The following LNP1 variants were observed in gnomAD, a reference collection of about 807,000 sequenced individuals.
LNP1 encodes the protein leukemia NUP98 fusion partner 1.
In LNP1, 12 loss-of-function variants were observed where a neutral mutation model predicts 14.5. The observed-to-expected ratio is 0.83, with a 90% confidence interval of 0.53 to 1.34. The LOEUF is 1.34. Ranked by LOEUF, LNP1 falls within the 40% of genes most tolerant of loss-of-function variation. The probability of loss-of-function intolerance (pLI) is 0.00; values close to 1 mark genes in which losing one functional copy is unlikely to be tolerated. For synonymous variants in LNP1, 75 were observed against 71.4 expected (o/e 1.05, Z -0.26); for missense variants, 198 against 210.9 (o/e 0.94, Z 0.38).
chr3:100,436,229 C>T (rs1707292972), intron 2 of LNP1, among the ~76,000 whole-genome samples: 1 of 152,094 alleles, frequency 6.6e-6, no homozygotes, highest in Non-Finnish European at 1.5e-5. Context: ...TATCTTATTG[C>T]CACAAAGGCT....
At chr3:100,408,840 G>A (rs1485898091) in intron 1 of LNP1, among the ~76,000 whole-genome samples, 1 of 152,180 alleles carries the variant, frequency 6.6e-6, no homozygotes, top group Non-Finnish European at 1.5e-5. Flanking sequence ...CATGGGTAAT[G>A]TAAAACTGTT....
chr3:100,440,694 A>C (rs1460026472), intron 2 of LNP1, among the ~76,000 whole-genome samples: 2 of 152,198 alleles, frequency 1.3e-5, no homozygotes, highest in African/African-American at 4.8e-5. Flanking sequence ...TGCTGTGAAC[A>C]AGGCAAGGTG....
chr3:100,417,472 G>A (rs1234967162), intron 1 of LNP1, among the ~76,000 whole-genome samples: 1 of 144,834 alleles, frequency 6.9e-6, no homozygotes, highest in Non-Finnish European at 1.5e-5. Context: ...CGCCTCCCAG[G>A]CTAAGCACTT....
At chr3:100,433,835 A>G (rs756341899) in intron 2 of LNP1, among the ~76,000 whole-genome samples, 4 of 151,924 alleles carry the variant, frequency 2.6e-5, no homozygotes, top group African/African-American at 4.8e-5. Context: ...AGCTTTTTTC[A>G]TATGTTTTTT....
chr3:100,405,552 C>CA (rs1706957448), intron 1 of LNP1, among the ~76,000 whole-genome samples: 1 of 152,138 alleles, frequency 6.6e-6, no homozygotes, highest in Non-Finnish European at 1.5e-5. Context: ...TTGAGGACTG[C>CA]AAATTTGGTT....
chr3:100,444,977 T>G (rs1707375232), intron 2 of LNP1, among the ~76,000 whole-genome samples: 1 of 152,124 alleles, frequency 6.6e-6, no homozygotes, highest in Admixed American at 6.5e-5. Context: ...TGATGATTAA[T>G]TTATAGGGGA....
intron 1 of LNP1, among the ~76,000 whole-genome samples, chr3:100,425,747 ACAT>A (rs1707186002): frequency 6.6e-6 from 1 of 152,224 alleles, no homozygotes; most frequent in Non-Finnish European, 1.5e-5. Flanking sequence ...CAGAAAAAAC[ACAT>A]CATGTTCCAG....
chr3:100,443,362 A>T (rs1319708889), intron 2 of LNP1, among the ~76,000 whole-genome samples: 1 of 152,286 alleles, frequency 6.6e-6, no homozygotes, highest in Non-Finnish European at 1.5e-5. Context: ...TTTTTACCAA[A>T]GACAAATCAT....
At chr3:100,445,590 A>T (rs922549285) in intron 2 of LNP1, among the ~76,000 whole-genome samples, 5 of 152,358 alleles carry the variant, frequency 3.3e-5, no homozygotes, top group South Asian at 2.1e-4. Flanking sequence ...AACCTTAATT[A>T]AAAAACATTT....
At chr3:100,452,022 T>C (rs760803224) in intron 3 of LNP1, 73 bp downstream of exon 3, 42 of 906,808 alleles carry the variant, frequency 4.6e-5, no homozygotes, top group Non-Finnish European at 6.8e-5. Flanking sequence ...CTCTTTATGA[T>C]TGAGGGGAAC....
At chr3:100,447,470 G>A (rs1407972615) in intron 2 of LNP1, among the ~76,000 whole-genome samples, 2 of 151,916 alleles carry the variant, frequency 1.3e-5, no homozygotes, top group Non-Finnish European at 2.9e-5. Context: ...GCTGGGGGAG[G>A]GATAGCATTA....
chr3:100,408,912 C>G (rs1338912408), intron 1 of LNP1, among the ~76,000 whole-genome samples: 2 of 152,180 alleles, frequency 1.3e-5, no homozygotes, highest in African/African-American at 4.8e-5. Context: ...GCTATAATCT[C>G]TCACCTGGTT....
At chr3:100,427,314 C>G (rs982504721) in intron 1 of LNP1, among the ~76,000 whole-genome samples, 1 of 152,064 alleles carries the variant, frequency 6.6e-6, no homozygotes, top group Non-Finnish European at 1.5e-5. Context: ...GAACAAAACC[C>G]AAAGGCATCA....
chr3:100,447,232 A>G (rs1033266578), intron 2 of LNP1, among the ~76,000 whole-genome samples: 8 of 152,350 alleles, frequency 5.3e-5, no homozygotes, highest in African/African-American at 1.9e-4. Context: ...GGATTAAGAA[A>G]ATGTGGCACA....
At chr3:100,439,649 T>C (rs1381643798) in intron 2 of LNP1, among the ~76,000 whole-genome samples, 1 of 152,156 alleles carries the variant, frequency 6.6e-6, no homozygotes, top group Non-Finnish European at 1.5e-5. Flanking sequence ...TACCCCGTTC[T>C]ACCTTCTCAT....
At chr3:100,408,686 G>C (rs1290191507) in intron 1 of LNP1, among the ~76,000 whole-genome samples, 2 of 152,236 alleles carry the variant, frequency 1.3e-5, no homozygotes, top group Admixed American at 6.5e-5. Flanking sequence ...TGGGTCATGG[G>C]GGGGTCTACC....
At chr3:100,447,266 G>T (rs1707397040) in intron 2 of LNP1, among the ~76,000 whole-genome samples, 1 of 152,180 alleles carries the variant, frequency 6.6e-6, no homozygotes, top group African/African-American at 2.4e-5. Context: ...ATACTATGCA[G>T]CCATAAAAAA....
chr3:100,447,033 C>G (rs1315659658), intron 2 of LNP1, among the ~76,000 whole-genome samples: 3 of 152,184 alleles, frequency 2.0e-5, no homozygotes, highest in African/African-American at 7.2e-5. Flanking sequence ...TTGTGGAAGA[C>G]AGGGCGGCAA....
chr3:100,423,423 T>A (rs1707164184), intron 1 of LNP1, among the ~76,000 whole-genome samples: 1 of 152,148 alleles, frequency 6.6e-6, no homozygotes, highest in African/African-American at 2.4e-5. Context: ...TTTGGGAGGC[T>A]GAGGTTGGAG....
Sources: gnomAD v4.1 joint callset for allele counts (sites outside exome capture counted in the v4.1 genomes callset) on GRCh38, gnomAD v4.1.1 for gene constraint, MANE v1.5 for transcripts, NCBI Gene and HGNC (gene_info 2026-07-23, HGNC 2026-07-21) for gene names.